USO1: variants seen among roughly 807,000 people sequenced by gnomAD.
USO1 encodes USO1 vesicle transport factor, also known as general vesicular transport factor p115.
USO1 carries 57 observed loss-of-function variants against 124.5 expected under a neutral mutation model. The ratio of observed to expected loss-of-function variants is 0.46; its 90% CI spans 0.37 to 0.57. USO1 has a LOEUF of 0.57. USO1 is among the 20% of genes least tolerant of loss of function. The pLI is 0.00. For synonymous variants in USO1, 369 were observed against 362.8 expected, an observed-to-expected ratio of 1.02 and a Z score of -0.19; for missense variants, 900 against 1,040.6, an observed-to-expected ratio of 0.86 and a Z score of 1.86.
At chr4:75,784,807 T>G (rs564367417) in intron 9 of USO1, among the ~76,000 whole-genome samples, 341 of 151,718 alleles carry the variant, frequency 2.2e-3, no homozygotes, top group Non-Finnish European at 4.0e-3. Context: ...AAAAAAAAAT[T>G]ACCAAAAAAT....
chr4:75,787,352 A>G (rs1489218739), intron 10 of USO1, 150 bp downstream of exon 10: 1 of 1,115,530 alleles, frequency 9.0e-7, no homozygotes, highest in Non-Finnish European at 1.2e-6. Flanking sequence ...AATTCACATA[A>G]TGATAAAAGT....
chr4:75,797,615 T>C (rs1314073086), intron 13 of USO1, among the ~76,000 whole-genome samples: 1 of 151,052 alleles, frequency 6.6e-6, no homozygotes, highest in African/African-American at 2.4e-5. Context: ...ATTAATTTTA[T>C]TCATTTATTT....
intron 1 of USO1, among the ~76,000 whole-genome samples, chr4:75,735,181 GTGTC>G (rs1046608892): frequency 9.2e-5 from 14 of 152,068 alleles, no homozygotes; most frequent in Non-Finnish European, 1.8e-4. Context: ...GTGTGTGTGT[GTGTC>G]TGTCTGTCTG....
At chr4:75,808,493 T>C (rs1223200217) in intron 20 of USO1, among the ~76,000 whole-genome samples, 2 of 152,148 alleles carry the variant, frequency 1.3e-5, no homozygotes, top group Non-Finnish European at 2.9e-5. Context: ...TGATACCAGT[T>C]CCTAACCTTT....
chr4:75,725,213 C>G (rs1343762916), intron 1 of USO1, among the ~76,000 whole-genome samples: 2 of 152,312 alleles, frequency 1.3e-5, no homozygotes, highest in African/African-American at 2.4e-5. Flanking sequence ...CGAACTGCCT[C>G]CCACGCCCCT....
At chr4:75,772,222 A>AG in intron 7 of USO1, among the ~76,000 whole-genome samples, 1 of 152,294 alleles carries the variant, frequency 6.6e-6, no homozygotes, top group Admixed American at 6.5e-5. Flanking sequence ...AACTTAATAC[A>AG]GTATGTAACT....
intron 1 of USO1, among the ~76,000 whole-genome samples, chr4:75,747,735 G>A (rs1213673279): frequency 1.3e-5 from 2 of 149,530 alleles, no homozygotes; most frequent in East Asian, 2.0e-4. Context: ...TCAGCGTCCT[G>A]AGTAGCTGGG....
At chr4:75,762,066 G>A (rs1721622268) in intron 4 of USO1, among the ~76,000 whole-genome samples, 1 of 151,874 alleles carries the variant, frequency 6.6e-6, no homozygotes, top group African/African-American at 2.4e-5. Context: ...AGCCAGTGAG[G>A]TAGGTGGTAT....
At chr4:75,805,346 G>T in intron 19 of USO1, 43 bp downstream of exon 19, 1 of 1,476,734 alleles carries the variant, frequency 6.8e-7, no homozygotes, top group South Asian at 1.4e-5. Context: ...GTTCAAGAGT[G>T]GTTCTCATTA....
chr4:75,808,450 C>T (rs1723053524), intron 20 of USO1, among the ~76,000 whole-genome samples: 1 of 152,008 alleles, frequency 6.6e-6, no homozygotes, highest in Admixed American at 6.6e-5. Flanking sequence ...AGTTTTTAAC[C>T]TCATTTTTAT....
At chr4:75,764,412 G>T (rs2149163542) in intron 4 of USO1, among the ~76,000 whole-genome samples, 1 of 152,284 alleles carries the variant, frequency 6.6e-6, no homozygotes, top group South Asian at 2.1e-4. Context: ...AGCCTGCAGT[G>T]AAAAATCTTG....
At position 75,771,258 on chromosome 4, in the gene USO1, T is replaced by A. The variant is rs139813253; in HGVS notation, c.555+121T>A. ...GAAAGCTGGAGTAATGACCTTTTTTTAAAAAAATTAAAAATTAGTAAACAG... is the reference window on the plus strand; with the variant it reads ...GAAAGCTGGAGTAATGACCTTTTTTAAAAAAAATTAAAAATTAGTAAACAG... On this transcript the variant is annotated intron_variant, in intron 7 of 23. Coordinates refer to ENST00000514213, the MANE Select transcript of USO1 (RefSeq NM_003715.4). 7.4e-3 allele frequency: 8,403 copies of A among 1,137,908 alleles called. 38 individuals are homozygous for A. Among genetic ancestry groups the A allele is most frequent in the Admixed American group, 0.011 (372 of 33,218 alleles). 70.5% of individuals were successfully genotyped at this position (1,137,908 alleles called of 1,614,324 possible).
At chr4:75,797,548 T>G (rs1487023386) in intron 13 of USO1, among the ~76,000 whole-genome samples, 2 of 139,136 alleles carry the variant, frequency 1.4e-5, no homozygotes, top group Non-Finnish European at 3.1e-5. Context: ...TCATGTTGTT[T>G]TGTTCCAGAA....
At chr4:75,757,260 C>G (rs1022187969) in intron 3 of USO1, among the ~76,000 whole-genome samples, 1 of 151,762 alleles carries the variant, frequency 6.6e-6, no homozygotes, top group African/African-American at 2.4e-5. Context: ...TTTAAATTGC[C>G]GCCTTATATG....
intron 7 of USO1, among the ~76,000 whole-genome samples, chr4:75,774,326 T>C (rs1294372283): frequency 2.0e-5 from 3 of 152,220 alleles, no homozygotes; most frequent in African/African-American, 7.2e-5. Flanking sequence ...GCAGGTACAG[T>C]GGCATTCCTG....
intron 13 of USO1, among the ~76,000 whole-genome samples, chr4:75,794,626 A>G (rs1722629907): frequency 6.6e-6 from 1 of 152,220 alleles, no homozygotes; most frequent in Non-Finnish European, 1.5e-5. Flanking sequence ...CAGGGAAAGT[A>G]AAAATGTGAC....
At chr4:75,801,984 A>G (rs1375546352) in intron 17 of USO1, among the ~76,000 whole-genome samples, 1 of 152,020 alleles carries the variant, frequency 6.6e-6, no homozygotes, top group Non-Finnish European at 1.5e-5. Context: ...CACGCTGCCT[A>G]ATTTTTATAT....
chr4:75,801,853 CTT>C (rs1722859978), intron 17 of USO1, among the ~76,000 whole-genome samples: 3 of 152,238 alleles, frequency 2.0e-5, no homozygotes, highest in Admixed American at 2.0e-4. Context: ...GAGTCTTGCT[CTT>C]GTTTCCCAGG....
At chr4:75,744,684 T>A (rs762122112) in intron 1 of USO1, among the ~76,000 whole-genome samples, 9 of 152,266 alleles carry the variant, frequency 5.9e-5, no homozygotes, top group Non-Finnish European at 2.9e-5. Flanking sequence ...CCTCCCAAAG[T>A]GCTGGGATTA....
Sources: allele counts gnomAD v4.1 joint callset (sites outside exome capture counted in the v4.1 genomes callset), GRCh38; gene constraint gnomAD v4.1.1; transcripts MANE v1.5; gene names NCBI Gene and HGNC (gene_info 2026-07-23, HGNC 2026-07-21).